Variants in DAB1 observed in about 807,000 individuals in gnomAD.
DAB1 encodes disabled homolog 1.
A neutral mutation model predicts 64.6 loss-of-function variants in DAB1; 15 were observed. The ratio of observed to expected loss-of-function variants is 0.23; its 90% confidence interval spans 0.16 to 0.36. The LOEUF is 0.36. DAB1 is among the 10% of genes least tolerant of loss of function. DAB1 has a pLI of 1.00. For missense variants in DAB1, 596 were observed against 706.7 expected, an observed-to-expected ratio of 0.84 and a Z score of 1.78; for synonymous variants, 235 against 251.9, an observed-to-expected ratio of 0.93 and a Z score of 0.64.
intron 7 of DAB1, among the ~76,000 whole-genome samples, chr1:57,464,684 T>A (rs913557188): frequency 6.6e-6 from 1 of 152,146 alleles, no homozygotes; most frequent in African/African-American, 2.4e-5. Context: ...ATTCAAAAGA[T>A]CTCCAAGCAC....
At chr1:58,416,616 T>TC (rs1309308136) in intron 3 of DAB1, among the ~76,000 whole-genome samples, 1 of 152,230 alleles carries the variant, frequency 6.6e-6, no homozygotes, top group Non-Finnish European at 1.5e-5. Flanking sequence ...AAACTAATAC[T>TC]CAAGTTGGTT....
intron 4 of DAB1, among the ~76,000 whole-genome samples, chr1:58,303,443 C>T (rs1662221849): frequency 6.6e-6 from 1 of 152,100 alleles, no homozygotes; most frequent in African/African-American, 2.4e-5. Flanking sequence ...TGGAGATGAA[C>T]AGAACAGGTA....
At chr1:57,662,140 C>T (rs575288677) in intron 6 of DAB1, among the ~76,000 whole-genome samples, 23 of 152,236 alleles carry the variant, frequency 1.5e-4, no homozygotes, top group Non-Finnish European at 2.1e-4. Flanking sequence ...AGAAAAATAG[C>T]TCTATTAGCT....
intron 2 of DAB1, among the ~76,000 whole-genome samples, chr1:57,279,289 A>G (rs1671709596): frequency 6.6e-6 from 1 of 152,224 alleles, no homozygotes. Context: ...CCTGTAGTAT[A>G]CTTTAAATCA....
At chr1:58,417,376 T>C (rs1242341500) in intron 3 of DAB1, among the ~76,000 whole-genome samples, 1 of 152,244 alleles carries the variant, frequency 6.6e-6, no homozygotes, top group East Asian at 1.9e-4. Flanking sequence ...ATGCCTGGTC[T>C]GTTATGCTTT....
intron 5 of DAB1, among the ~76,000 whole-genome samples, chr1:57,949,505 ATCTATATC>A (rs1278048952): frequency 2.0e-5 from 3 of 147,636 alleles, no homozygotes; most frequent in Non-Finnish European, 4.5e-5. Flanking sequence ...CTATCTATCT[ATCTATATC>A]TGTCTGTCTG....
upstream of DAB1, among the ~76,000 whole-genome samples, chr1:57,425,383 C>G (rs140367871): frequency 5.9e-5 from 9 of 152,148 alleles, no homozygotes; most frequent in East Asian, 1.7e-3. Flanking sequence ...GCTTCTGACA[C>G]TCACCCATGA....
chr1:57,962,209 C>A (rs1488009727), intron 5 of DAB1, among the ~76,000 whole-genome samples: 1 of 152,066 alleles, frequency 6.6e-6, no homozygotes, highest in Non-Finnish European at 1.5e-5. Context: ...CTTTATAGTG[C>A]CTACCTTAAA....
intron 5 of DAB1, among the ~76,000 whole-genome samples, chr1:57,961,452 C>G (rs1344341081): frequency 6.6e-6 from 1 of 152,058 alleles, no homozygotes; most frequent in Non-Finnish European, 1.5e-5. Flanking sequence ...ACTCATCCAC[C>G]CTCAGCATTA....
intron 1 of DAB1, among the ~76,000 whole-genome samples, chr1:57,372,455 T>C (rs1264181794): frequency 6.6e-6 from 1 of 152,218 alleles, no homozygotes; most frequent in Non-Finnish European, 1.5e-5. Context: ...ATTTGGAATT[T>C]AGCACTTTGG....
At chr1:57,642,972 ATG>A (rs1384616728) in intron 7 of DAB1, among the ~76,000 whole-genome samples, 1 of 152,166 alleles carries the variant, frequency 6.6e-6, no homozygotes, top group Non-Finnish European at 1.5e-5. Flanking sequence ...CACTTGTTTG[ATG>A]CTTGTAAGAT....
chr1:57,809,172 G>A (rs1196509588), intron 6 of DAB1, among the ~76,000 whole-genome samples: 2 of 152,142 alleles, frequency 1.3e-5, no homozygotes, highest in Non-Finnish European at 2.9e-5. Flanking sequence ...CCAAGTAGAA[G>A]TTTCATACTC....
chr1:57,747,632 A>T (rs1648339500), intron 6 of DAB1, among the ~76,000 whole-genome samples: 1 of 151,826 alleles, frequency 6.6e-6, no homozygotes, highest in African/African-American at 2.4e-5. Flanking sequence ...ACACAGTGAA[A>T]CCCTGTCTCT....
chr1:58,142,655 T>C (rs1654353461), intron 5 of DAB1, among the ~76,000 whole-genome samples: 1 of 152,252 alleles, frequency 6.6e-6, no homozygotes, highest in South Asian at 2.1e-4. Context: ...CCTTTGAATA[T>C]ATTTTTCTGT....
intron 7 of DAB1, among the ~76,000 whole-genome samples, chr1:57,638,394 CAG>C (rs1237217208): frequency 6.6e-6 from 1 of 152,124 alleles, no homozygotes; most frequent in East Asian, 1.9e-4. Flanking sequence ...CGAGGAGTGT[CAG>C]ATGATAAGGC....
intron 5 of DAB1, among the ~76,000 whole-genome samples, chr1:58,123,985 T>G (rs1652906172): frequency 6.6e-6 from 1 of 152,146 alleles, no homozygotes; most frequent in South Asian, 2.1e-4. Context: ...AGAAATGATA[T>G]AGACTATTTT....
At chr1:57,139,569 T>C (rs1004443882) in intron 3 of DAB1, among the ~76,000 whole-genome samples, 4 of 152,208 alleles carry the variant, frequency 2.6e-5, no homozygotes, top group Admixed American at 6.5e-5. Context: ...TCTGGTTTTA[T>C]TCCTTCTTCC....
intron 7 of DAB1, among the ~76,000 whole-genome samples, chr1:57,624,870 T>G (rs1024578291): frequency 6.6e-6 from 1 of 152,244 alleles, no homozygotes; most frequent in Non-Finnish European, 1.5e-5. Flanking sequence ...GCCTTCTTTC[T>G]CTAATGAATT....
chr1:57,670,330 A>T (rs1399517405), intron 6 of DAB1, among the ~76,000 whole-genome samples: 1 of 152,138 alleles, frequency 6.6e-6, no homozygotes, highest in South Asian at 2.1e-4. Context: ...ATGGAGAAGC[A>T]ATAAGGCACA....
Sources: allele counts gnomAD v4.1 joint callset (sites outside exome capture counted in the v4.1 genomes callset), GRCh38; gene constraint gnomAD v4.1.1; transcripts MANE v1.5; gene names NCBI Gene and HGNC (gene_info 2026-07-23, HGNC 2026-07-21).